The following RIN3 variants were observed in gnomAD, a reference collection of about 807,000 sequenced individuals.
The protein encoded by RIN3 is Ras and Rab interactor 3.
Under a neutral mutation model 76.3 loss-of-function variants are expected in RIN3, and 54 were observed. That is an observed-to-expected ratio of 0.71 (90% CI 0.57 to 0.89). The LOEUF is 0.89. Among genes scored for constraint, RIN3 ranks in the 40% least tolerant of loss-of-function variants. RIN3 has a pLI of 0.00. For missense variants in RIN3, 1,256 were observed against 1,322.1 expected, an observed-to-expected ratio of 0.95 and a Z score of 0.78; for synonymous variants, 576 against 564.0, an observed-to-expected ratio of 1.02 and a Z score of -0.30.
chr14:92,519,572 C>T (rs1480084091), intron 1 of RIN3, among the ~76,000 whole-genome samples: 1 of 152,160 alleles, frequency 6.6e-6, no homozygotes, highest in African/African-American at 2.4e-5. Flanking sequence ...GTCTGTGAAG[C>T]CTGCCCCTGT....
Position 92,688,232 on chromosome 14 carries a change from C to CGGGAGCCCAACTTCCTGTGA in RIN3, c.2941_*2dup. On this transcript the variant is annotated stop_gained and frameshift_variant, in exon 10 of 10. Transcript: ENST00000216487. LOFTEE classifies it high-confidence loss of function. Reference sequence around the variant, plus strand: ...CGGGAGCCCGCCCTGCCTGGTGGTGCGGGAGCCCAACTTCCTGTGAGGCCC... The same window carrying CGGGAGCCCAACTTCCTGTGA: ...CGGGAGCCCGCCCTGCCTGGTGGTGCGGGAGCCCAACTTCCTGTGAGGGAGCCCAACTTCCTGTGAGGCCC... 1 of 1,593,756 alleles carries CGGGAGCCCAACTTCCTGTGA rather than the reference C, an allele frequency of 6.3e-7. No individual in the cohort carries two copies. Among genetic ancestry groups the CGGGAGCCCAACTTCCTGTGA allele is most frequent in the African/African-American group, 1.3e-5 (1 of 74,712 alleles).
In RIN3 at chr14:92,688,224, T is replaced by A. The variant is rs1888952771; in HGVS notation, c.2930T>A (p.Leu977Gln). 6.3e-7 allele frequency: 1 copy of A among 1,598,750 alleles called. No homozygotes were observed. The highest frequency in any genetic ancestry group is 1.3e-5 in the African/African-American group (1 of 74,650). Residue 977 changes from leucine to glutamine, a missense_variant, in exon 10 of 10, where the codon CTG (leucine) becomes CAG (glutamine). This residue lies in a region of RIN3 where 218 missense variants were observed against 174.5 expected (regional missense o/e 1.25). Coordinates refer to ENST00000216487, the MANE Select transcript of RIN3 (RefSeq NM_024832.5). Reference protein sequence around the residue: ...GGGGGGSPPCLVVREPNFL With the variant: ...GGGGGGSPPCQVVREPNFL ...GGCGGCGGCGGGAGCCCGCCCTGCC[T>A]GGTGGTGCGGGAGCCCAACTTCCTG...
intron 1 of RIN3, among the ~76,000 whole-genome samples, chr14:92,534,438 G>A (rs1477950894): frequency 4.0e-5 from 6 of 151,652 alleles, no homozygotes; most frequent in Non-Finnish European, 7.4e-5. Flanking sequence ...AAATTAGCTG[G>A]GCATGGTGTC....
chr14:92,629,160 T>TGAGAGA (rs1886471538), intron 4 of RIN3, among the ~76,000 whole-genome samples: 1 of 146,858 alleles, frequency 6.8e-6, no homozygotes, highest in African/African-American at 2.5e-5. Flanking sequence ...AGAGATTGAT[T>TGAGAGA]GATTGATTGA....
At chr14:92,607,158 A>G (rs920208425) in intron 3 of RIN3, among the ~76,000 whole-genome samples, 7 of 152,260 alleles carry the variant, frequency 4.6e-5, no homozygotes, top group African/African-American at 7.2e-5. Flanking sequence ...AAGGATGTTC[A>G]ACATCATTAA....
At position 92,551,434 on chromosome 14, in the gene RIN3, C is replaced by T. The variant is rs532649441; in HGVS notation, c.45-4317C>T. ...ACATTCGTATGCAGGTCTTTCTGGA[C>T]GTATACTGTCATTTCCCTCGGGTGT... On this transcript the variant is annotated intron_variant, in intron 1 of 9. Coordinates refer to ENST00000216487, the MANE Select transcript of RIN3 (RefSeq NM_024832.5). Among the ~76,000 whole-genome samples the T allele has an allele frequency of 3.3e-5, 5 of 152,214 alleles. No homozygotes were observed. In the East Asian group the frequency reaches 5.8e-4, roughly 18 times the overall value.
chr14:92,676,442 A>C, intron 7 of RIN3, 33 bp from the exon 8 acceptor site: 1 of 1,608,756 alleles, frequency 6.2e-7, no homozygotes, highest in South Asian at 1.1e-5. Context: ...AGAGCCTGGA[A>C]CTCATCTCCC....
chr14:92,613,261 C>T (rs898463686), intron 3 of RIN3, among the ~76,000 whole-genome samples: 7 of 152,236 alleles, frequency 4.6e-5, no homozygotes, highest in South Asian at 2.1e-4. Context: ...TGGAAGGAGT[C>T]GGCAATGCAC....
intron 2 of RIN3, among the ~76,000 whole-genome samples, chr14:92,571,057 G>A (rs1898050733): frequency 6.6e-6 from 1 of 152,254 alleles, no homozygotes. Flanking sequence ...CAATCACTGA[G>A]TCTTGGCCGG....
At chr14:92,526,300 T>G (rs887878754) in intron 1 of RIN3, among the ~76,000 whole-genome samples, 2 of 151,498 alleles carry the variant, frequency 1.3e-5, no homozygotes, top group Non-Finnish European at 2.9e-5. Context: ...TACTAAAAAA[T>G]TTTTTAAAAT....
At chr14:92,612,585 A>G (rs1277134029) in intron 3 of RIN3, among the ~76,000 whole-genome samples, 1 of 152,178 alleles carries the variant, frequency 6.6e-6, no homozygotes, top group Non-Finnish European at 1.5e-5. Context: ...ACTGTGCTGG[A>G]TGCTAAGGGA....
intron 6 of RIN3, among the ~76,000 whole-genome samples, chr14:92,658,661 A>G (rs1362622107): frequency 6.6e-6 from 1 of 152,194 alleles, no homozygotes; most frequent in Non-Finnish European, 1.5e-5. Flanking sequence ...AGGTCAAGGT[A>G]GTAGCCACAG....
At chr14:92,601,410 G>C (rs980131881) in intron 3 of RIN3, among the ~76,000 whole-genome samples, 1 of 152,106 alleles carries the variant, frequency 6.6e-6, no homozygotes, top group Non-Finnish European at 1.5e-5. Flanking sequence ...AGCTTCTCTG[G>C]GTCTCACAGT....
At chr14:92,594,290 G>A (rs1885081511) in intron 3 of RIN3, among the ~76,000 whole-genome samples, 1 of 152,002 alleles carries the variant, frequency 6.6e-6, no homozygotes, top group African/African-American at 2.4e-5. Flanking sequence ...AAATTAGCTG[G>A]GCATGGTGGC....
chr14:92,669,550 C>T (rs1371888676), intron 7 of RIN3, among the ~76,000 whole-genome samples: 1 of 152,128 alleles, frequency 6.6e-6, no homozygotes, highest in African/African-American at 2.4e-5. Context: ...CAGGGCAGGG[C>T]ACAGTCATGA....
intron 3 of RIN3, among the ~76,000 whole-genome samples, chr14:92,582,698 C>G (rs143904588): frequency 3.3e-5 from 5 of 152,298 alleles, no homozygotes; most frequent in African/African-American, 4.8e-5. Context: ...GGTAATCTGC[C>G]TGCCTGAGCC....
chr14:92,651,563 C>T lies in RIN3; in HGVS notation c.533-19C>T, dbSNP rs780201796. The T allele has an allele frequency of 6.3e-7, 1 of 1,577,052 alleles. No individual in the cohort carries two copies. The highest frequency in any genetic ancestry group is 1.2e-5 in the South Asian group (1 of 86,330). ...TCCCTGGCACAGACTGACCCCCTGC[C>T]CCTCTCTTGCTTCCACAGGTTTCTG... is the stretch of plus-strand genomic sequence containing the variant. On this transcript the variant is annotated intron_variant, in intron 5 of 9. Transcript: ENST00000216487.
chr14:92,653,027 G>A lies in RIN3; in HGVS notation c.1978G>A (p.Glu660Lys), dbSNP rs199975411. 1.2e-4 allele frequency: 189 copies of A among 1,610,316 alleles called. 1 individual carries two copies. The highest frequency in any genetic ancestry group is 1.5e-4 in the Admixed American group (9 of 60,008). Residue 660 changes from glutamate (E) to lysine (K), a missense_variant, in exon 6 of 10, where the codon GAG (glutamate) becomes AAG (lysine). Physicochemically the swap from Glu to Lys is moderately conservative, Grantham distance 56 (BLOSUM62 1). Around this residue, in one of 3 missense-constraint regions of RIN3, gnomAD observed 428 missense variants for 521.2 expected, o/e 0.82. Transcript: ENST00000216487. ...QLKSYLLQSTELKALVDPALH... is the reference protein window; with the variant it reads ...QLKSYLLQSTKLKALVDPALH... ...CAAGAGCTACCTGCTGCAGAGCACC[G>A]AGCTCAAGGCCCTGGTGGACCCCGC...
At chr14:92,615,546 G>T (rs2140103689) in intron 4 of RIN3, 67 bp downstream of exon 4, 1 of 1,371,510 alleles carries the variant, frequency 7.3e-7, no homozygotes. Context: ...CCCTGGGTGG[G>T]TGCAGGGGAC....
Sources: allele counts gnomAD v4.1 joint callset (sites outside exome capture counted in the v4.1 genomes callset), GRCh38; gene constraint gnomAD v4.1.1; regional missense constraint gnomAD v4.1.1; transcripts MANE v1.5; gene names NCBI Gene and HGNC (gene_info 2026-07-23, HGNC 2026-07-21).